The following SLC25A21 variants were observed in gnomAD, a reference collection of about 807,000 sequenced individuals.
SLC25A21 encodes the protein solute carrier family 25 member 21.
SLC25A21 carries 47 observed loss-of-function variants against 43.8 expected under a neutral mutation model. The ratio of observed to expected loss-of-function variants is 1.07; its 90% CI spans 0.85 to 1.37. The LOEUF (loss-of-function observed/expected upper bound fraction) is 1.37. Ranked by LOEUF, SLC25A21 falls within the 40% of genes most tolerant of loss-of-function variation. The probability of loss-of-function intolerance (pLI) is 0.00; values close to 1 mark genes in which losing one functional copy is unlikely to be tolerated. For synonymous variants in SLC25A21, 131 were observed against 121.3 expected, an observed-to-expected ratio of 1.08 and a Z score of -0.52; for missense variants, 352 against 350.2, an observed-to-expected ratio of 1.00 and a Z score of -0.04.
At position 36,824,840 on chromosome 14, in the gene SLC25A21, G is replaced by A. The variant is rs1287844203; in HGVS notation, c.120-10839C>T. ...AAAAAAAAAGCCCTCAAGGAACTGT[G>A]ATGGGGAGAGAGAGCCAGCCTTCCA... On this transcript the variant is annotated intron_variant, in intron 2 of 9. Transcript: ENST00000331299. Among the ~76,000 whole-genome samples the A allele has an allele frequency of 3.4e-5, 5 of 147,446 alleles. No individual in the cohort carries two copies. In the South Asian group the frequency reaches 6.5e-4, roughly 19 times the overall value.
At chr14:36,955,477 T>A (rs913274557) in intron 1 of SLC25A21, among the ~76,000 whole-genome samples, 2 of 152,214 alleles carry the variant, frequency 1.3e-5, no homozygotes, top group African/African-American at 4.8e-5. Context: ...GGGACAAGTC[T>A]ATCCTGTCAT....
intron 1 of SLC25A21, among the ~76,000 whole-genome samples, chr14:36,953,326 C>T (rs536211793): frequency 1.3e-5 from 2 of 152,202 alleles, no homozygotes; most frequent in South Asian, 4.2e-4. Context: ...AAAAGATTCA[C>T]ATTGTTTATA....
intron 1 of SLC25A21, among the ~76,000 whole-genome samples, chr14:37,003,551 T>C (rs1465358456): frequency 6.6e-6 from 1 of 152,218 alleles, no homozygotes; most frequent in Non-Finnish European, 1.5e-5. Context: ...CAAGTTGGAA[T>C]ATATTCATTC....
At chr14:36,858,009 G>A (rs1889953646) in intron 2 of SLC25A21, among the ~76,000 whole-genome samples, 1 of 152,192 alleles carries the variant, frequency 6.6e-6, no homozygotes, top group African/African-American at 2.4e-5. Context: ...ATAGTCATTA[G>A]GCTAATCATT....
intron 1 of SLC25A21, among the ~76,000 whole-genome samples, chr14:37,114,338 A>C (rs1410257429): frequency 6.6e-6 from 1 of 152,240 alleles, no homozygotes; most frequent in Non-Finnish European, 1.5e-5. Flanking sequence ...CAATGCAACT[A>C]GGACCAATTT....
chr14:36,992,148 T>G (rs532592726), intron 1 of SLC25A21, among the ~76,000 whole-genome samples: 1 of 152,342 alleles, frequency 6.6e-6, no homozygotes, highest in African/African-American at 2.4e-5. Flanking sequence ...AATTGGGTCA[T>G]CCCTGAGAAT....
chr14:36,740,039 A>T (rs1256214567), intron 3 of SLC25A21, among the ~76,000 whole-genome samples: 1 of 152,226 alleles, frequency 6.6e-6, no homozygotes, highest in Non-Finnish European at 1.5e-5. Context: ...GGTGTTTCCT[A>T]GCTGTGTGAG....
chr14:36,821,452 T>C (rs1309635196), intron 2 of SLC25A21, among the ~76,000 whole-genome samples: 2 of 152,170 alleles, frequency 1.3e-5, no homozygotes, highest in African/African-American at 4.8e-5. Context: ...AAGTATCTTG[T>C]AATGTGAATG....
intron 1 of SLC25A21, among the ~76,000 whole-genome samples, chr14:37,078,996 GC>G (rs1470853725): frequency 1.3e-5 from 2 of 152,076 alleles, no homozygotes; most frequent in African/African-American, 4.8e-5. Flanking sequence ...AAAACCCCAG[GC>G]TCACAAGCAT....
intron 3 of SLC25A21, among the ~76,000 whole-genome samples, chr14:36,801,249 T>A (rs1887859625): frequency 6.6e-6 from 1 of 152,190 alleles, no homozygotes; most frequent in Non-Finnish European, 1.5e-5. Flanking sequence ...CTAGGTTTCT[T>A]GGAGTTTCCT....
rs546645960 is a variant in SLC25A21, at chr14:36,726,726, T to C, written c.331-1049A>G. 2.6e-5 allele frequency among the ~76,000 whole-genome samples: 4 copies of C among 152,064 alleles called. No individual in the cohort carries two copies. In the South Asian group the frequency reaches 8.3e-4, roughly 32 times the overall value. Reference sequence around the variant, plus strand: ...CACAAGACAGAAGAACAAAATGAAATAAAGCCCCAGTCTCCAAAACAGATG... The same window carrying C: ...CACAAGACAGAAGAACAAAATGAAACAAAGCCCCAGTCTCCAAAACAGATG... On this transcript the variant is annotated intron_variant, in intron 5 of 9. Transcript: ENST00000331299.
chr14:36,765,929 A>G (rs1261330916), intron 3 of SLC25A21, among the ~76,000 whole-genome samples: 2 of 152,190 alleles, frequency 1.3e-5, no homozygotes, highest in Non-Finnish European at 2.9e-5. Flanking sequence ...CTGAAACTCA[A>G]AGACTCTTTT....
At chr14:36,903,392 A>G (rs1395210089) in intron 1 of SLC25A21, among the ~76,000 whole-genome samples, 1 of 151,990 alleles carries the variant, frequency 6.6e-6, no homozygotes, top group Non-Finnish European at 1.5e-5. Flanking sequence ...TGGGTGGATC[A>G]CTTGAGGTCA....
intron 1 of SLC25A21, among the ~76,000 whole-genome samples, chr14:37,124,994 T>C (rs1328552768): frequency 6.6e-6 from 1 of 152,190 alleles, no homozygotes; most frequent in East Asian, 1.9e-4. Flanking sequence ...ACCTCTTTTG[T>C]TTAAAAATTA....
At chr14:36,804,747 T>C (rs1887979289) in intron 3 of SLC25A21, among the ~76,000 whole-genome samples, 1 of 152,222 alleles carries the variant, frequency 6.6e-6, no homozygotes, top group African/African-American at 2.4e-5. Flanking sequence ...CTTTTAACCT[T>C]GTCTACGTCA....
intron 2 of SLC25A21, among the ~76,000 whole-genome samples, chr14:36,854,901 T>A (rs1267378972): frequency 7.1e-6 from 1 of 140,954 alleles, no homozygotes; most frequent in African/African-American, 2.7e-5. Context: ...GGAGGGTAAT[T>A]GGTGTCTTTT....
intron 1 of SLC25A21, among the ~76,000 whole-genome samples, chr14:36,892,327 G>A (rs1891093841): frequency 1.3e-5 from 2 of 152,104 alleles, no homozygotes; most frequent in South Asian, 4.1e-4. Context: ...AGTTCATTCT[G>A]AGAGAGATAT....
intron 3 of SLC25A21, among the ~76,000 whole-genome samples, chr14:36,764,510 A>T (rs1886327755): frequency 7.0e-6 from 1 of 142,176 alleles, no homozygotes; most frequent in Non-Finnish European, 1.5e-5. Flanking sequence ...GGGATTCCAG[A>T]TTTATGCACA....
chr14:36,909,850 A>T (rs1300740134), intron 1 of SLC25A21, among the ~76,000 whole-genome samples: 2 of 152,124 alleles, frequency 1.3e-5, no homozygotes, highest in African/African-American at 4.8e-5. Context: ...ACATGAAACA[A>T]GGGAATATAT....
Sources: allele counts gnomAD v4.1 joint callset (sites outside exome capture counted in the v4.1 genomes callset), GRCh38; gene constraint gnomAD v4.1.1; transcripts MANE v1.5; gene names NCBI Gene and HGNC (gene_info 2026-07-23, HGNC 2026-07-21).